The following TTN variants were observed in gnomAD, a reference collection of about 807,000 sequenced individuals.
TTN encodes the protein connectin.
In TTN, 1,525 loss-of-function variants were observed where a neutral mutation model predicts 3,223.0. That is an observed-to-expected ratio of 0.47 (90% CI 0.45 to 0.49). TTN has a LOEUF of 0.49. TTN is among the 20% of genes least tolerant of loss of function. The pLI is 0.00. For missense variants in TTN, 40,786 were observed against 43,424.0 expected (o/e 0.94, Z 5.40); for synonymous variants, 14,094 against 15,161.0 (o/e 0.93, Z 5.17).
Position 178,680,235 on chromosome 2 carries a change from A to G in TTN, c.33418+19T>C. 1.2e-6 allele frequency: 2 copies of G among 1,609,794 alleles called. No homozygotes were observed. The highest frequency in any genetic ancestry group is 1.7e-6 in the Non-Finnish European group (2 of 1,178,120). On this transcript the variant is annotated intron_variant, in intron 139 of 362. Coordinates refer to ENST00000589042, the MANE Select transcript of TTN (RefSeq NM_001267550.2). ...CAGCAAAAGACGAACAAAACATTAA[A>G]ATGAGTGCCATTAGGTACCTCTAAC...
chr2:178,560,346 T>G lies in TTN; in HGVS notation c.85786A>C (p.Arg28596=). ...IIERREKNSL[R]WVRVNKKPVY... Reference sequence around the variant, plus strand: ...GGTTTTTTGTTTACACGCACCCATCTTAGGCTATTTTTCTCTCGCCTTTCA... The same window carrying G: ...GGTTTTTTGTTTACACGCACCCATCGTAGGCTATTTTTCTCTCGCCTTTCA... Residue 28596 remains arginine, a synonymous_variant, in exon 326 of 363, where the codon AGA becomes CGA. Coordinates refer to ENST00000589042, the MANE Select transcript of TTN (RefSeq NM_001267550.2). The G allele has an allele frequency of 6.2e-7, 1 of 1,613,784 alleles. No individual in the cohort carries two copies.
chr2:178,576,767 G>T lies in TTN; in HGVS notation c.69477C>A (p.Ser23159Arg). The T allele has an allele frequency of 6.2e-7, 1 of 1,613,428 alleles. No individual in the cohort carries two copies. Among genetic ancestry groups the T allele is most frequent in the Non-Finnish European group, 8.5e-7 (1 of 1,179,616 alleles). ...CACCATCATCCACTGGCCTTTTCCA[G>T]CTGACAGTGGCAGTGTTCTTAGTGA... ...SNVTKNTATV[S>R]WKRPVDDGGS... The change falls in exon 325 of 363, where the codon AGC becomes AGA. Residue 23159 changes from serine to arginine, a missense_variant. Physicochemically the swap from Ser to Arg is moderately radical, Grantham distance 110. Coordinates refer to ENST00000589042, the MANE Select transcript of TTN (RefSeq NM_001267550.2). This position sits in a 1 kb window ranked among gnomAD's most constrained non-coding sequence, Gnocchi z 4.3.
Position 178,547,870 on chromosome 2 carries a change from T to C in TTN, c.93756A>G (p.Glu31252=). The part of the protein sequence containing the change: ...RPAPKVTWKL[E]EMRLKETDRV... ...GATCTGTCTCTTTAAGTCTCATTTC[T>C]TCCAGTTTCCATGTTACTTTGGGGG... Residue 31252 remains glutamate (E), a synonymous_variant, in exon 339 of 363, where the codon GAA becomes GAG. Transcript: ENST00000589042. 6.2e-7 allele frequency: 1 copy of C among 1,613,920 alleles called. No individual in the cohort carries two copies. Among genetic ancestry groups the C allele is most frequent in the Non-Finnish European group, 8.5e-7 (1 of 1,179,838 alleles).
chr2:178,573,644 C>T lies in TTN; in HGVS notation c.72488G>A (p.Arg24163His), dbSNP rs374712231. The T allele has an allele frequency of 4.9e-5, 74 of 1,499,946 alleles. No individual in the cohort carries two copies. Among genetic ancestry groups the T allele is most frequent in the African/African-American group, 1.3e-4 (9 of 71,500 alleles). The allele number at this position is 1,499,946 out of a possible 1,614,324, so 92.9% of individuals were successfully genotyped here. ...TGTCCATGCCAATCTGCTGGTTTCA[C>T]GTTTCTGTACTATGTAATGATCAAT... is the stretch of plus-strand genomic sequence containing the variant. ...AKIDHYIVQK[R>H]ETSRLAWTNV... Residue 24163 changes from arginine to histidine, a missense_variant, in exon 326 of 363, where the codon CGT becomes CAT. Coordinates refer to ENST00000589042, the MANE Select transcript of TTN (RefSeq NM_001267550.2).
chr2:178,741,673 A>G lies in TTN; in HGVS notation c.11560T>C (p.Phe3854Leu). 1 of 1,613,808 alleles carries G rather than the reference A, an allele frequency of 6.2e-7. No individual in the cohort carries two copies. Among genetic ancestry groups the G allele is most frequent in the Non-Finnish European group, 8.5e-7 (1 of 1,179,778 alleles). Reference protein sequence around the residue: ...IGIPKPKIQWFFNGVLLTPSA... With the variant: ...IGIPKPKIQWLFNGVLLTPSA... ...GGGGTTAATAGCACTCCATTAAAGA[A>G]CCACTGAATTTTAGGTTTGGGGATG... is the stretch of plus-strand genomic sequence containing the variant. The change falls in exon 48 of 363, where the codon TTC becomes CTC. Residue 3854 changes from phenylalanine to leucine, a missense_variant. Transcript: ENST00000589042.
Position 178,774,350 on chromosome 2 carries a change from T to C in TTN, c.6914A>G (p.Glu2305Gly). 6.2e-7 allele frequency: 1 copy of C among 1,614,126 alleles called. No individual in the cohort carries two copies. Among genetic ancestry groups the C allele is most frequent in the South Asian group, 1.1e-5 (1 of 91,080 alleles). Residue 2305 changes from glutamate to glycine, a missense_variant, in exon 30 of 363, where the codon GAG (glutamate) becomes GGG (glycine). Glu to Gly is a moderately conservative substitution (Grantham distance 98, BLOSUM62 -2). Coordinates refer to ENST00000589042, the MANE Select transcript of TTN (RefSeq NM_001267550.2). ...IEGKWYHNDVELKSNGKYTIT... is the reference protein window; with the variant it reads ...IEGKWYHNDVGLKSNGKYTIT... ...TGTATATTTGCCATTGGATTTAAGC[T>C]CCACATCATTATGATACCATTTTCC...
At chr2:178,535,933 G>C (rs755343416) in intron 357 of TTN, 49 bp downstream of exon 357, 3 of 1,514,604 alleles carry the variant, frequency 2.0e-6, no homozygotes, top group South Asian at 1.4e-5. Context: ...CCACCCCCAA[G>C]TTAATAACTC....
At chr2:178,637,259 A>G in intron 224 of TTN, 110 bp downstream of exon 224, 1 of 589,634 alleles carries the variant, frequency 1.7e-6, no homozygotes, top group Non-Finnish European at 2.7e-6. Flanking sequence ...AGAATCAATT[A>G]GAAAAAATAA....
intron 9 of TTN, 78 bp downstream of exon 9, chr2:178,793,326 C>A: frequency 6.4e-7 from 1 of 1,561,058 alleles, no homozygotes; most frequent in Non-Finnish European, 8.7e-7. Flanking sequence ...AGGAACAACA[C>A]TCTTCATGGT....
At chr2:178,796,474 G>C (rs544561530) in intron 6 of TTN, among the ~76,000 whole-genome samples, 36 of 152,150 alleles carry the variant, frequency 2.4e-4, no homozygotes, top group South Asian at 4.1e-4. Flanking sequence ...ACGAAGAAAT[G>C]TTTATTTTCT....
In TTN at chr2:178,621,497, G is replaced by A. The variant is rs376143828; in HGVS notation, c.45327C>T (p.Thr15109=). The A allele has an allele frequency of 9.3e-6, 15 of 1,612,182 alleles. No homozygotes were observed. Among genetic ancestry groups the A allele is most frequent in the East Asian group, 6.7e-5 (3 of 44,650 alleles). The change falls in exon 245 of 363, where the codon ACC becomes ACT. Residue 15109 remains threonine, a synonymous_variant. Coordinates refer to ENST00000589042, the MANE Select transcript of TTN (RefSeq NM_001267550.2). ...NYNCRLPSSR[T]DGKVKVHELA... Reference sequence around the variant, plus strand: ...TACCATGTACTTTGACTTTGCCATCGGTTCGAGAGCTTGGGAGTCGACAGT... The same window carrying A: ...TACCATGTACTTTGACTTTGCCATCAGTTCGAGAGCTTGGGAGTCGACAGT...
At chr2:178,708,616 C>G (rs2076211209) in intron 99 of TTN, among the ~76,000 whole-genome samples, 1 of 152,104 alleles carries the variant, frequency 6.6e-6, no homozygotes, top group African/African-American at 2.4e-5. Context: ...ATGGTAAAAC[C>G]ATCATGAGTG....
At position 178,741,091 on chromosome 2, in the gene TTN, C is replaced by T. The variant is rs1020592902; in HGVS notation, c.12142G>A (p.Ala4048Thr). 2.5e-6 allele frequency: 4 copies of T among 1,613,736 alleles called. No homozygotes were observed. Among genetic ancestry groups the T allele is most frequent in the Non-Finnish European group, 3.4e-6 (4 of 1,179,850 alleles). The change falls in exon 48 of 363, where the codon GCT becomes ACT. Residue 4048 changes from alanine to threonine, a missense_variant. Physicochemically the swap from Ala to Thr is moderately conservative, Grantham distance 58. Transcript: ENST00000589042. The part of the protein sequence containing the change: ...TPCKAKSTPE[A>T]PEDFPQTPLK... ...GGTGTCTGTGGAAAATCCTCAGGAG[C>T]CTCTGGTGTGGACTTTGCTTTGCAG...
rs879009971 is a variant in TTN at position 178,790,745 on chromosome 2, G to C, written c.1763C>G (p.Thr588Ser). 13 of 1,614,116 alleles carry C rather than the reference G, an allele frequency of 8.1e-6. No homozygotes were observed. The highest frequency in any genetic ancestry group is 1.3e-5 in the African/African-American group (1 of 75,028). ...TAGGTGCATTTGATCTTGTTGTGTG[G>C]TAGTTTCTTCTTGAGCTCCCGGGAC... The part of the protein sequence containing the change: ...ETVPGAQEET[T>S]TQQDQMHLSY... Residue 588 changes from threonine to serine, a missense_variant, in exon 11 of 363, where the codon ACC (threonine) becomes AGC (serine). By Grantham distance (58) the Thr-to-Ser change is moderately conservative. Transcript: ENST00000589042.
rs1445321656 is a variant in TTN, at chr2:178,530,066, G to T, written c.106425C>A (p.Phe35475Leu). The T allele has an allele frequency of 6.2e-7, 1 of 1,611,336 alleles. No homozygotes were observed. The highest frequency in any genetic ancestry group is 8.5e-7 in the Non-Finnish European group (1 of 1,179,216). Residue 35475 changes from phenylalanine to leucine, a missense_variant, in exon 359 of 363, where the codon TTC becomes TTA. Coordinates refer to ENST00000589042, the MANE Select transcript of TTN (RefSeq NM_001267550.2). ...KYKLSEDKGG[F>L]FLEIHKTDTS... Reference sequence around the variant, plus strand: ...TATCAGTCTTATGAATTTCTAAGAAGAACCCTCCCTTGTCTTCAGAGAGTT... The same window carrying T: ...TATCAGTCTTATGAATTTCTAAGAATAACCCTCCCTTGTCTTCAGAGAGTT...
At position 178,576,959 on chromosome 2, in the gene TTN, C is replaced by T. The variant is rs756671149; in HGVS notation, c.69376G>A (p.Val23126Ile). ...ACCATTTTGACAGGTTCAGACTGTACAGGTTCTCCTTTGCCATAGTGGTTT... is the reference window on the plus strand; with the variant it reads ...ACCATTTTGACAGGTTCAGACTGTATAGGTTCTCCTTTGCCATAGTGGTTT... ...AVNHYGKGEP[V>I]QSEPVKMVDR... Residue 23126 changes from valine (V) to isoleucine (I), a missense_variant, in exon 324 of 363, where the codon GTA (valine) becomes ATA (isoleucine). Val to Ile is a conservative substitution (Grantham distance 29, BLOSUM62 3). Transcript: ENST00000589042. This position sits in a 1 kb window ranked among gnomAD's most constrained non-coding sequence, Gnocchi z 4.3. The T allele has an allele frequency of 6.2e-7, 1 of 1,613,410 alleles. No homozygotes were observed. Among genetic ancestry groups the T allele is most frequent in the East Asian group, 2.2e-5 (1 of 44,836 alleles).
rs761584703 is a variant in TTN at position 178,720,975 on chromosome 2, C to T, written c.23044G>A (p.Glu7682Lys). 50 of 1,608,026 alleles carry T rather than the reference C, an allele frequency of 3.1e-5. No individual in the cohort carries two copies. Among genetic ancestry groups the T allele is most frequent in the Middle Eastern group, 1.6e-4 (1 of 6,062 alleles). The change falls in exon 79 of 363, where the codon GAG becomes AAG. Residue 7682 changes from glutamate (E) to lysine (K), a missense_variant. Coordinates refer to ENST00000589042, the MANE Select transcript of TTN (RefSeq NM_001267550.2). ...SAEDSGDYIC[E>K]AHNGVGDASC... ...GCGTCACCAACACCATTATGAGCCTCACAAATGTAGTCCCCGCTGTCTTCA... is the reference window on the plus strand; with the variant it reads ...GCGTCACCAACACCATTATGAGCCTTACAAATGTAGTCCCCGCTGTCTTCA...
At chr2:178,703,693 GA>G (rs1320707690) in intron 106 of TTN, among the ~76,000 whole-genome samples, 1 of 152,094 alleles carries the variant, frequency 6.6e-6, no homozygotes, top group East Asian at 1.9e-4. Flanking sequence ...AAATATTTTT[GA>G]AAAATAGTTG....
chr2:178,549,772 A>T lies in TTN; in HGVS notation c.91950T>A (p.Ala30650=), dbSNP rs199785444. The change falls in exon 338 of 363, where the codon GCT becomes GCA. Residue 30650 remains alanine, a synonymous_variant. Coordinates refer to ENST00000589042, the MANE Select transcript of TTN (RefSeq NM_001267550.2). ...TTTCAATGATGTAGTGGGTTATGGG[A>T]GCACAACCGTCATTGAGTGGGGCAT... ...WWDAPLNDGC[A]PITHYIIEKR... is the part of the protein sequence containing the mutation. The T allele has an allele frequency of 6.2e-6, 10 of 1,612,668 alleles. No individual in the cohort carries two copies. The highest frequency in any genetic ancestry group is 8.5e-6 in the Non-Finnish European group (10 of 1,179,042).
Sources: allele counts gnomAD v4.1 joint callset (sites outside exome capture counted in the v4.1 genomes callset), GRCh38; gene constraint gnomAD v4.1.1; non-coding constraint Gnocchi (gnomAD v3.1); transcripts MANE v1.5; gene names NCBI Gene and HGNC (gene_info 2026-07-23, HGNC 2026-07-21).